OPCML: variants seen among roughly 807,000 people sequenced by gnomAD.
OPCML encodes opioid-binding protein/cell adhesion molecule.
A neutral mutation model predicts 37.8 loss-of-function variants in OPCML; 13 were observed. The observed-to-expected ratio is 0.34, with a 90% CI of 0.22 to 0.55. The LOEUF is 0.55. Ranked by LOEUF, OPCML falls within the 20% of genes least tolerant of loss-of-function variation. OPCML has a pLI of 0.91. For missense variants in OPCML, 341 were observed against 435.6 expected (o/e 0.78, Z 1.93); for synonymous variants, 176 against 168.8 (o/e 1.04, Z -0.33).
intron 3 of OPCML, among the ~76,000 whole-genome samples, chr11:132,618,419 C>A (rs1322873083): frequency 6.6e-6 from 1 of 152,166 alleles, no homozygotes; most frequent in African/African-American, 2.4e-5. Flanking sequence ...AGGAGACTCA[C>A]TTGAACCCGG....
intron 3 of OPCML, among the ~76,000 whole-genome samples, chr11:132,648,537 T>C (rs1346560682): frequency 1.3e-5 from 2 of 151,352 alleles, no homozygotes; most frequent in African/African-American, 4.9e-5. Context: ...TTTTTTTTTT[T>C]CAGACAGAGT....
At chr11:132,663,744 G>A (rs138464735) in intron 2 of OPCML, among the ~76,000 whole-genome samples, 6 of 152,368 alleles carry the variant, frequency 3.9e-5, no homozygotes, top group East Asian at 1.9e-4. Context: ...CAGGATGAGC[G>A]TGGAACCCAG....
intron 1 of OPCML, among the ~76,000 whole-genome samples, chr11:133,142,279 A>C (rs1401964460): frequency 3.3e-5 from 5 of 152,142 alleles, no homozygotes; most frequent in African/African-American, 9.7e-5. Context: ...GTAGCTTGGC[A>C]CTCAATGTTC....
chr11:132,679,524 A>C (rs1364717742), intron 2 of OPCML, among the ~76,000 whole-genome samples: 1 of 152,242 alleles, frequency 6.6e-6, no homozygotes, highest in Non-Finnish European at 1.5e-5. Context: ...ATTGATATGA[A>C]CTGTTCAGAA....
chr11:132,854,324 C>T (rs1941955435), intron 2 of OPCML, among the ~76,000 whole-genome samples: 1 of 152,206 alleles, frequency 6.6e-6, no homozygotes, highest in Non-Finnish European at 1.5e-5. Context: ...GTTCATCAAT[C>T]TGGAAGCTCT....
At chr11:133,079,159 T>A (rs1782006638) in intron 1 of OPCML, among the ~76,000 whole-genome samples, 1 of 152,188 alleles carries the variant, frequency 6.6e-6, no homozygotes, top group African/African-American at 2.4e-5. Context: ...CATTTGCCGT[T>A]GGCAAGCATG....
intron 1 of OPCML, among the ~76,000 whole-genome samples, chr11:133,434,294 T>C (rs933279870): frequency 2.0e-5 from 3 of 152,138 alleles, no homozygotes; most frequent in Non-Finnish European, 4.4e-5. Context: ...GTCTTACCTA[T>C]CCTCAAAGTC....
intron 1 of OPCML, among the ~76,000 whole-genome samples, chr11:133,354,301 G>GTAA (rs1944225809): frequency 8.2e-5 from 1 of 12,132 alleles, no homozygotes; most frequent in African/African-American, 3.7e-4. Flanking sequence ...GCTGGTGGTG[G>GTAA]TGACGTGTTG....
At chr11:132,739,886 C>T (rs1354003680) in intron 2 of OPCML, among the ~76,000 whole-genome samples, 1 of 152,102 alleles carries the variant, frequency 6.6e-6, no homozygotes, top group Non-Finnish European at 1.5e-5. Context: ...AGCTCAGTCA[C>T]TTGGACTCGT....
chr11:132,487,220 T>C (rs2096202711), intron 4 of OPCML, among the ~76,000 whole-genome samples: 1 of 152,180 alleles, frequency 6.6e-6, no homozygotes, highest in East Asian at 1.9e-4. Context: ...ACTCAGCCCA[T>C]CATGTACAAT....
chr11:133,004,813 C>T, intron 1 of OPCML: 1 of 985,432 alleles, frequency 1.0e-6, no homozygotes, highest in Non-Finnish European at 1.2e-6. Context: ...GTCTAACCTG[C>T]CCCTCTCCAT....
At chr11:132,680,076 A>G (rs1942873894) in intron 2 of OPCML, among the ~76,000 whole-genome samples, 1 of 152,172 alleles carries the variant, frequency 6.6e-6, no homozygotes, top group Non-Finnish European at 1.5e-5. Context: ...GCTCAGGTCT[A>G]CAGAGTGCAA....
chr11:133,170,856 C>T (rs987913399), intron 1 of OPCML, among the ~76,000 whole-genome samples: 2 of 152,122 alleles, frequency 1.3e-5, no homozygotes, highest in African/African-American at 4.8e-5. Flanking sequence ...ACTTGTCCCC[C>T]CAAAAGCACA....
chr11:133,158,712 A>AAAAAAAT (rs1555105905), intron 1 of OPCML, among the ~76,000 whole-genome samples: 2 of 134,256 alleles, frequency 1.5e-5, no homozygotes, highest in South Asian at 2.4e-4. Flanking sequence ...ATAAAATTAA[A>AAAAAAAT]AAAATAAAAT....
intron 1 of OPCML, among the ~76,000 whole-genome samples, chr11:133,296,216 C>T (rs1278773358): frequency 2.0e-5 from 3 of 152,146 alleles, no homozygotes; most frequent in Non-Finnish European, 4.4e-5. Context: ...ATTTGGGTAA[C>T]GTTTTCATTG....
At chr11:133,060,574 G>A (rs1591962763) in intron 1 of OPCML, among the ~76,000 whole-genome samples, 1 of 152,204 alleles carries the variant, frequency 6.6e-6, no homozygotes, top group African/African-American at 2.4e-5. Flanking sequence ...GAGGGGAGGG[G>A]CAGCCACCAG....
chr11:132,432,516 A>C (rs2096000615), intron 7 of OPCML, among the ~76,000 whole-genome samples: 1 of 152,188 alleles, frequency 6.6e-6, no homozygotes, highest in African/African-American at 2.4e-5. Flanking sequence ...ACCTTCCCAA[A>C]GCCATTCAGC....
chr11:133,007,476 T>G (rs1254177827), intron 1 of OPCML: 1 of 985,342 alleles, frequency 1.0e-6, no homozygotes, highest in Admixed American at 6.1e-5. Flanking sequence ...ATTATTCTAT[T>G]AATTTGTTAA....
At chr11:133,049,850 C>T (rs930680646) in intron 1 of OPCML, among the ~76,000 whole-genome samples, 1 of 152,190 alleles carries the variant, frequency 6.6e-6, no homozygotes, top group Non-Finnish European at 1.5e-5. Flanking sequence ...GTTAGCTGGG[C>T]TGCCGGGGAG....
Sources: allele counts gnomAD v4.1 joint callset (sites outside exome capture counted in the v4.1 genomes callset), GRCh38; gene constraint gnomAD v4.1.1; transcripts MANE v1.5; gene names NCBI Gene and HGNC (gene_info 2026-07-23, HGNC 2026-07-21).